The following NLGN4X variants were observed in gnomAD, a reference collection of about 807,000 sequenced individuals.
The protein encoded by NLGN4X is neuroligin-4, X-linked.
NLGN4X carries 3 observed loss-of-function variants against 40.3 expected under a neutral mutation model. That is an observed-to-expected ratio of 0.07 (90% CI 0.03 to 0.19). NLGN4X has a LOEUF of 0.19. Among genes scored for constraint, NLGN4X ranks in the 10% least tolerant of loss-of-function variants. NLGN4X has a pLI of 1.00. For missense variants in NLGN4X, 382 were observed against 708.3 expected (o/e 0.54, Z 5.23); for synonymous variants, 270 against 306.8 (o/e 0.88, Z 1.25).
chrX:6,097,501 A>T (rs1178943099), intron 2 of NLGN4X, among the ~76,000 whole-genome samples: 1 of 110,821 alleles, frequency 9.0e-6, no homozygotes, highest in East Asian at 2.8e-4. Context: ...CTTACCCTAA[A>T]CTCCACCTAG....
At chrX:5,991,642 C>T in intron 3 of NLGN4X, 1 of 410,799 alleles carries the variant, frequency 2.4e-6, no homozygotes, top group South Asian at 3.6e-5. Context: ...AAGATTACAT[C>T]CATCAGTGCT....
chrX:5,950,458 T>G (rs1216891583), intron 3 of NLGN4X, among the ~76,000 whole-genome samples: 2 of 112,288 alleles, frequency 1.8e-5, no homozygotes, highest in African/African-American at 6.5e-5. Flanking sequence ...ACACATGTAG[T>G]GCACATTACC....
At chrX:6,076,687 T>C (rs976927554) in intron 2 of NLGN4X, among the ~76,000 whole-genome samples, 2 of 112,257 alleles carry the variant, frequency 1.8e-5, no homozygotes, top group African/African-American at 6.5e-5. Flanking sequence ...TATCACCTAA[T>C]GCAGCCTACC....
Position 6,017,716 on chromosome X carries a change from T to G in NLGN4X, c.625+11564A>C, listed in dbSNP as rs186936739. Among the ~76,000 whole-genome samples, 6 of 112,126 alleles carry G rather than the reference T, an allele frequency of 5.4e-5. No homozygotes were observed. In the East Asian group the frequency reaches 1.7e-3, roughly 31 times the overall value. On this transcript the variant is annotated intron_variant, in intron 3 of 5. Transcript: ENST00000381095. ...ATATTCCCAAGCTAGCAATATGCAG[T>G]ACCATAGTCTCTTTGGATGCCAGGC...
rs180994681 is a variant in NLGN4X, at chrX:6,160,154, A to G, written c.-305-8383T>C. Reference sequence around the variant, plus strand: ...TTTAAATAACTAAAAGCATAATTGGAAAGTCTGTAACACAAAGAAATGATA... The same window carrying G: ...TTTAAATAACTAAAAGCATAATTGGGAAGTCTGTAACACAAAGAAATGATA... On this transcript the variant is annotated intron_variant, in intron 1 of 5. Coordinates refer to ENST00000381095, the MANE Select transcript of NLGN4X (RefSeq NM_181332.3). Among the ~76,000 whole-genome samples the G allele has an allele frequency of 5.3e-5, 6 of 112,186 alleles. No individual in the cohort carries two copies. The East Asian group carries it at 1.7e-3, about 31-fold the overall frequency.
intron 3 of NLGN4X, among the ~76,000 whole-genome samples, chrX:6,003,770 C>A (rs1427463498): frequency 8.9e-6 from 1 of 112,071 alleles, no homozygotes; most frequent in Non-Finnish European, 1.9e-5. Context: ...CATTGACCCT[C>A]CACTGAGCTG....
chrX:6,207,890 T>A (rs1483098718), intron 1 of NLGN4X, among the ~76,000 whole-genome samples: 2 of 112,108 alleles, frequency 1.8e-5, no homozygotes, highest in Non-Finnish European at 1.9e-5. Context: ...TACTGCATTC[T>A]TTGGGGTTGG....
At chrX:6,119,915 C>T (rs1054919365) in intron 2 of NLGN4X, among the ~76,000 whole-genome samples, 1 of 111,162 alleles carries the variant, frequency 9.0e-6, no homozygotes, top group Non-Finnish European at 1.9e-5. Context: ...TGATGACTAA[C>T]ACTCCAAAAA....
chrX:6,105,333 A>AC (rs1316072874), intron 2 of NLGN4X, among the ~76,000 whole-genome samples: 2 of 111,778 alleles, frequency 1.8e-5, no homozygotes, highest in Non-Finnish European at 3.8e-5. Flanking sequence ...CTCTTTAGAC[A>AC]AACTTGATTC....
At chrX:6,159,613 A>G (rs1389288889) in intron 1 of NLGN4X, among the ~76,000 whole-genome samples, 5 of 111,969 alleles carry the variant, frequency 4.5e-5, no homozygotes, top group Non-Finnish European at 7.5e-5. Flanking sequence ...GGATCCTGCC[A>G]GCCATGGTAA....
At chrX:5,940,307 A>G (rs1330590709) in intron 3 of NLGN4X, among the ~76,000 whole-genome samples, 1 of 112,451 alleles carries the variant, frequency 8.9e-6, no homozygotes, top group African/African-American at 3.2e-5. Flanking sequence ...TTCATATCTT[A>G]TAACTACATT....
intron 1 of NLGN4X, among the ~76,000 whole-genome samples, chrX:6,164,988 C>T (rs1472916269): frequency 9.0e-6 from 1 of 111,334 alleles, no homozygotes; most frequent in African/African-American, 3.3e-5. Context: ...AGTTTATTTC[C>T]TGAGTATGAC....
At chrX:5,910,244 T>C (rs769539670) in intron 3 of NLGN4X, among the ~76,000 whole-genome samples, 7 of 111,832 alleles carry the variant, frequency 6.3e-5, no homozygotes, top group Non-Finnish European at 1.3e-4. Context: ...GCAAGTTTAG[T>C]TCATTGCATA....
At chrX:6,092,875 T>C (rs754900569) in intron 2 of NLGN4X, among the ~76,000 whole-genome samples, 2 of 111,262 alleles carry the variant, frequency 1.8e-5, no homozygotes, top group African/African-American at 6.5e-5. Flanking sequence ...ACTAATAATA[T>C]AAAAGTCAAT....
intron 2 of NLGN4X, among the ~76,000 whole-genome samples, chrX:6,138,402 T>C (rs186422367): frequency 1.8e-5 from 2 of 111,732 alleles, no homozygotes; most frequent in South Asian, 3.7e-4. Flanking sequence ...AAAGGAAACA[T>C]TCCAAATTTC....
rs1166298254 is a variant in NLGN4X at position 5,890,514 on chromosome X, C to T, written c.*2303G>A. On this transcript the variant is annotated 3_prime_UTR_variant, in exon 6 of 6. Transcript: ENST00000381095. The stretch of plus-strand genomic sequence containing the variant: ...GACAACTGGAAATACTAAACAAATA[C>T]TGGAATTCACATTACAGACAGACGA... 6.4e-6 allele frequency: 2 copies of T among 310,385 alleles called. No homozygotes were observed. The highest frequency in any genetic ancestry group is 2.7e-5 in the African/African-American group (1 of 36,991). The allele number at this position is 310,385 out of a possible 1,213,427, so 25.6% of individuals were successfully genotyped here.
At chrX:6,172,450 T>G (rs1305891616) in intron 1 of NLGN4X, among the ~76,000 whole-genome samples, 1 of 112,270 alleles carries the variant, frequency 8.9e-6, no homozygotes, top group Non-Finnish European at 1.9e-5. Context: ...GCTATCTCTC[T>G]CTCATTAAAG....
intron 1 of NLGN4X, among the ~76,000 whole-genome samples, chrX:6,164,688 GA>G: frequency 9.0e-6 from 1 of 111,487 alleles, no homozygotes; most frequent in Non-Finnish European, 1.9e-5. Context: ...TGCAATATCC[GA>G]AAAGCTGAGT....
At chrX:6,093,982 A>T (rs780203557) in intron 2 of NLGN4X, among the ~76,000 whole-genome samples, 1 of 112,072 alleles carries the variant, frequency 8.9e-6, no homozygotes, top group South Asian at 3.7e-4. Flanking sequence ...TAATAGATCA[A>T]AAAATAGGAA....
Sources: gnomAD v4.1 joint callset for allele counts (sites outside exome capture counted in the v4.1 genomes callset) on GRCh38, gnomAD v4.1.1 for gene constraint, MANE v1.5 for transcripts, NCBI Gene and HGNC (gene_info 2026-07-23, HGNC 2026-07-21) for gene names.